The following CHN1 variants were observed in gnomAD, a reference collection of about 807,000 sequenced individuals.
CHN1 encodes the protein chimerin 1, also known as N-chimaerin.
Under a neutral mutation model 59.5 loss-of-function variants are expected in CHN1, and 37 were observed. The ratio of observed to expected loss-of-function variants is 0.62; its 90% CI spans 0.48 to 0.82. The LOEUF (loss-of-function observed/expected upper bound fraction) is 0.82. Among genes scored for constraint, CHN1 ranks in the 40% least tolerant of loss-of-function variants. The pLI is 0.00. For synonymous variants in CHN1, 206 were observed against 200.4 expected (o/e 1.03, Z -0.24); for missense variants, 469 against 571.0 (o/e 0.82, Z 1.82).
At chr2:174,836,559 C>T (rs1686087930) in intron 7 of CHN1, among the ~76,000 whole-genome samples, 2 of 152,198 alleles carry the variant, frequency 1.3e-5, no homozygotes, top group Non-Finnish European at 2.9e-5. Flanking sequence ...CAAAGTGTTA[C>T]ATTAACACTG....
chr2:174,969,826 A>G (rs1016974063), intron 1 of CHN1, among the ~76,000 whole-genome samples: 4 of 152,016 alleles, frequency 2.6e-5, no homozygotes, highest in Non-Finnish European at 4.4e-5. Context: ...CTGTTGTCAC[A>G]CTGCTGTGTT....
intron 1 of CHN1, among the ~76,000 whole-genome samples, chr2:174,975,150 C>T (rs565126929): frequency 6.6e-6 from 1 of 152,206 alleles, no homozygotes; most frequent in South Asian, 2.1e-4. Flanking sequence ...AAAGCTGACA[C>T]AATCATAATT....
intron 6 of CHN1, among the ~76,000 whole-genome samples, chr2:174,873,636 G>A (rs1332315051): frequency 6.6e-6 from 1 of 152,112 alleles, no homozygotes; most frequent in Non-Finnish European, 1.5e-5. Flanking sequence ...ATTCTGTGGA[G>A]GTATCCAAAG....
chr2:174,995,224 C>A (rs1401297965), intron 1 of CHN1, among the ~76,000 whole-genome samples: 1 of 152,162 alleles, frequency 6.6e-6, no homozygotes, highest in African/African-American at 2.4e-5. Context: ...TTACAGAAAT[C>A]CTTATCCAAG....
At chr2:174,926,812 C>A (rs1303667424) in intron 3 of CHN1, among the ~76,000 whole-genome samples, 3 of 151,310 alleles carry the variant, frequency 2.0e-5, no homozygotes, top group Non-Finnish European at 4.4e-5. Context: ...GGGTGGAGTG[C>A]AGTGGCATGA....
At chr2:174,811,159 T>C (rs530662011) in intron 10 of CHN1, 1 of 159,580 alleles carries the variant, frequency 6.3e-6, no homozygotes, top group East Asian at 1.8e-4. Context: ...GTAAGGTGGG[T>C]TAACTCAAGC....
intron 7 of CHN1, among the ~76,000 whole-genome samples, chr2:174,840,634 G>C (rs1419115172): frequency 6.6e-6 from 1 of 152,130 alleles, no homozygotes. Context: ...ATAAATACTT[G>C]AGGGATGAGC....
At chr2:174,818,435 C>A (rs982138161) in intron 8 of CHN1, among the ~76,000 whole-genome samples, 49 of 152,230 alleles carry the variant, frequency 3.2e-4, no homozygotes, top group African/African-American at 1.1e-3. Flanking sequence ...AACGGTATAT[C>A]AATATTTCAG....
At chr2:174,858,244 A>G (rs1686965646) in intron 6 of CHN1, among the ~76,000 whole-genome samples, 1 of 152,210 alleles carries the variant, frequency 6.6e-6, no homozygotes, top group African/African-American at 2.4e-5. Context: ...TTTCCTTTCT[A>G]TGGCAAAAAT....
chr2:174,924,834 C>A (rs1277098469), intron 3 of CHN1, among the ~76,000 whole-genome samples: 1 of 152,014 alleles, frequency 6.6e-6, no homozygotes, highest in East Asian at 1.9e-4. Flanking sequence ...ATGCTTCTTT[C>A]TAAGTTTTAT....
intron 3 of CHN1, among the ~76,000 whole-genome samples, chr2:174,932,240 T>C (rs1169397753): frequency 6.6e-6 from 1 of 152,194 alleles, no homozygotes; most frequent in Non-Finnish European, 1.5e-5. Context: ...CTCGTTTATA[T>C]AACATTCCTG....
At chr2:174,888,550 T>C (rs1196279320) in intron 5 of CHN1, among the ~76,000 whole-genome samples, 1 of 152,102 alleles carries the variant, frequency 6.6e-6, no homozygotes. Context: ...GGGTAATATA[T>C]CAACAAATCA....
chr2:174,822,765 C>G (rs74544139), intron 8 of CHN1, among the ~76,000 whole-genome samples: 8,511 of 152,292 alleles, frequency 0.056, 311 homozygotes, highest in Non-Finnish European at 0.086. Context: ...CCCTCCAGTG[C>G]AAAGGCACAA....
At chr2:174,892,505 A>T (rs1459696051) in intron 5 of CHN1, among the ~76,000 whole-genome samples, 1 of 152,196 alleles carries the variant, frequency 6.6e-6, no homozygotes, top group East Asian at 1.9e-4. Context: ...ACCAGATGCC[A>T]GTAGTATGAG....
chr2:174,901,049 T>C (rs1249441305), intron 5 of CHN1, among the ~76,000 whole-genome samples: 3 of 152,186 alleles, frequency 2.0e-5, no homozygotes, highest in Non-Finnish European at 2.9e-5. Context: ...AAGAGGTTAC[T>C]AAGAGAAAAG....
rs944266615 is a variant in CHN1, at chr2:175,005,283, A to C, written c.-371T>G. The C allele has an allele frequency of 4.3e-6, 5 of 1,152,590 alleles. No homozygotes were observed. The highest frequency in any genetic ancestry group is 5.4e-6 in the Non-Finnish European group (5 of 926,964). 71.4% of individuals were successfully genotyped at this position (1,152,590 alleles called of 1,614,324 possible). ...CGCACTGGCGGCGGCGGCGGCGGCGACGGGGAGAGCAGCAGCAGCCTCGCA... is the reference window on the plus strand; with the variant it reads ...CGCACTGGCGGCGGCGGCGGCGGCGCCGGGGAGAGCAGCAGCAGCCTCGCA... On this transcript the variant is annotated 5_prime_UTR_variant, in exon 1 of 13. Transcript: ENST00000409900.
In CHN1 at chr2:174,846,904, T is replaced by G; in HGVS notation, c.603A>C (p.Lys201Asn). Residue 201 changes from lysine (K) to asparagine (N), a missense_variant, in exon 7 of 13, where the codon AAA becomes AAC. Lys to Asn is a moderately conservative substitution (Grantham distance 94, BLOSUM62 0). Coordinates refer to ENST00000409900, the MANE Select transcript of CHN1 (RefSeq NM_001822.7). ...CCTTGAAATTGTGAATCTTTTCATA[T>G]TTTGGAATTTGCTCGTTTTCTTTCA... Reference protein sequence around the residue: ...ATLKENEQIPKYEKIHNFKVH... With the variant: ...ATLKENEQIPNYEKIHNFKVH... 1 of 1,551,650 alleles carries G rather than the reference T, an allele frequency of 6.4e-7. No individual in the cohort carries two copies. Among genetic ancestry groups the G allele is most frequent in the Non-Finnish European group, 8.7e-7 (1 of 1,146,782 alleles).
intron 1 of CHN1, among the ~76,000 whole-genome samples, chr2:174,995,143 A>C (rs187841755): frequency 1.3e-5 from 2 of 152,194 alleles, no homozygotes; most frequent in African/African-American, 4.8e-5. Flanking sequence ...TTGAGTACCT[A>C]TTATGTGCCA....
intron 6 of CHN1, among the ~76,000 whole-genome samples, chr2:174,875,061 A>T (rs1687524999): frequency 6.6e-6 from 1 of 151,730 alleles, no homozygotes; most frequent in African/African-American, 2.4e-5. Context: ...TTTAGTAGAG[A>T]CGAGGTTTCA....
Sources: allele counts gnomAD v4.1 joint callset (sites outside exome capture counted in the v4.1 genomes callset), GRCh38; gene constraint gnomAD v4.1.1; transcripts MANE v1.5; gene names NCBI Gene and HGNC (gene_info 2026-07-23, HGNC 2026-07-21).